BTG4: variants seen among roughly 807,000 people sequenced by gnomAD.
The protein encoded by BTG4 is protein BTG4.
Under a neutral mutation model 19.3 loss-of-function variants are expected in BTG4, and 10 were observed. That is an observed-to-expected ratio of 0.52 (90% CI 0.32 to 0.88). The LOEUF (loss-of-function observed/expected upper bound fraction) is 0.88, where lower values mean the gene tolerates loss of function less well. Among genes scored for constraint, BTG4 ranks in the 40% least tolerant of loss-of-function variants. The probability of loss-of-function intolerance (pLI) is 0.04; values close to 1 mark genes in which losing one functional copy is unlikely to be tolerated. For missense variants in BTG4, 238 were observed against 281.9 expected (o/e 0.84, Z 1.11); for synonymous variants, 91 against 95.7 (o/e 0.95, Z 0.29).
the BTG4 span, chr11:111,385,404 A>T: frequency 6.6e-6 from 1 of 152,170 alleles, no homozygotes; most frequent in Admixed American, 6.5e-5. Flanking sequence ...TTTAATTTAA[A>T]TTACTTTAAA....
chr11:111,415,705 G>A, the BTG4 span, among the ~76,000 whole-genome samples: 80 of 152,242 alleles, frequency 5.3e-4, no homozygotes, highest in African/African-American at 5.3e-4. Context: ...CTGGGCCTAC[G>A]GGGTGGGGGA....
chr11:111,497,707 TA>T (rs1313583751), intron 3 of BTG4, among the ~76,000 whole-genome samples: 1 of 152,226 alleles, frequency 6.6e-6, no homozygotes, highest in Non-Finnish European at 1.5e-5. Flanking sequence ...ACTTATCTGT[TA>T]TCAACCTACA....
At chr11:111,389,922 C>T in the BTG4 span, among the ~76,000 whole-genome samples, 5 of 152,058 alleles carry the variant, frequency 3.3e-5, no homozygotes, top group African/African-American at 4.8e-5. Flanking sequence ...ACAAAGCCAA[C>T]GAAAGCTAAG....
chr11:111,495,043 T>G lies in BTG4; in HGVS notation c.*92A>C. ...GTCCCTAATATGGTCATTTTTTGTT[T>G]CATGGGCCTCTCAACCTTAAATTCA... On this transcript the variant is annotated 3_prime_UTR_variant, in exon 5 of 5. Transcript: ENST00000692032. 1 of 1,375,682 alleles carries G rather than the reference T, an allele frequency of 7.3e-7. No homozygotes were observed. The highest frequency in any genetic ancestry group is 9.4e-7 in the Non-Finnish European group (1 of 1,066,802). The allele number at this position is 1,375,682 out of a possible 1,614,324, so 85.2% of individuals were successfully genotyped here. A position where few individuals can be genotyped will look rare whatever the true frequency, so the allele number is the denominator to read the frequency against.
At chr11:111,472,968 T>C (rs138800969) in intron 5 of BTG4, among the ~76,000 whole-genome samples, 107 of 152,298 alleles carry the variant, frequency 7.0e-4, no homozygotes, top group African/African-American at 2.5e-3. Context: ...CTACATGCCA[T>C]GTTATGATTG....
the BTG4 span, among the ~76,000 whole-genome samples, chr11:111,394,477 C>T: frequency 6.6e-6 from 1 of 152,274 alleles, no homozygotes; most frequent in Admixed American, 6.5e-5. Flanking sequence ...TCTTGTCTGC[C>T]GTCATGTAAG....
the BTG4 span, among the ~76,000 whole-genome samples, chr11:111,442,576 A>G: frequency 6.6e-6 from 1 of 150,566 alleles, no homozygotes; most frequent in Non-Finnish European, 1.5e-5. Context: ...TATAGTGCCA[A>G]AAATATAAGG....
downstream of BTG4, among the ~76,000 whole-genome samples, chr11:111,490,270 T>A (rs1416567716): frequency 1.6e-5 from 2 of 124,538 alleles, no homozygotes; most frequent in African/African-American, 5.1e-5. Context: ...CAAAACTCCA[T>A]CTCAAAAATA....
chr11:111,405,959 T>C, the BTG4 span, among the ~76,000 whole-genome samples: 1 of 152,158 alleles, frequency 6.6e-6, no homozygotes, highest in Non-Finnish European at 1.5e-5. Flanking sequence ...ACTAACATCC[T>C]TACTTAATAA....
chr11:111,472,502 C>T (rs992864950), intron 5 of BTG4, among the ~76,000 whole-genome samples: 43 of 152,178 alleles, frequency 2.8e-4, no homozygotes, highest in African/African-American at 1.0e-3. Context: ...GCCTACAGTG[C>T]ATGGGACAGC....
chr11:111,486,805 A>AT (rs1296489602), intron 5 of BTG4, among the ~76,000 whole-genome samples: 8 of 152,284 alleles, frequency 5.3e-5, no homozygotes, highest in African/African-American at 1.9e-4. Context: ...CTTTTAATTG[A>AT]TTTTTTTAAA....
chr11:111,455,839 A>G, the BTG4 span: 1 of 455,966 alleles, frequency 2.2e-6, no homozygotes, highest in South Asian at 1.5e-5. Context: ...GGCCTGGGGC[A>G]TTCTGGGCAC....
At chr11:111,395,238 C>T in the BTG4 span, among the ~76,000 whole-genome samples, 5 of 152,226 alleles carry the variant, frequency 3.3e-5, no homozygotes, top group East Asian at 3.8e-4. Context: ...CAGGAGAGAC[C>T]GGCCTGAGGT....
exon 6 of BTG4, chr11:111,467,621 T>A: frequency 1.3e-6 from 1 of 759,236 alleles, no homozygotes; most frequent in Non-Finnish European, 2.4e-6. Context: ...GGCAGTGCCT[T>A]CCAAGGTGCC....
At chr11:111,454,935 C>T in the BTG4 span, 3 of 454,928 alleles carry the variant, frequency 6.6e-6, no homozygotes, top group Non-Finnish European at 1.3e-5. Flanking sequence ...ACAGAGTTCA[C>T]ACACACTCAA....
At chr11:111,441,607 G>A in the BTG4 span, among the ~76,000 whole-genome samples, 495 of 152,234 alleles carry the variant, frequency 3.3e-3, 4 homozygotes, top group African/African-American at 0.012. Context: ...CCTCTCCCAC[G>A]CCTGACTATA....
At position 111,494,870 on chromosome 11, in the gene BTG4, T is replaced by A. The variant is rs567403122; in HGVS notation, c.*265A>T. ...ATTACTTTTCATAATTCATTGAGTC[T>A]TATTAGAGGTCAACATCTTCATTCT... is the stretch of plus-strand genomic sequence containing the variant. On this transcript the variant is annotated 3_prime_UTR_variant, in exon 5 of 5. Transcript: ENST00000692032. 2.0e-6 allele frequency: 2 copies of A among 981,462 alleles called. No homozygotes were observed. The highest frequency in any genetic ancestry group is 9.4e-5 in the South Asian group (2 of 21,222). 60.8% of individuals were successfully genotyped at this position (981,462 alleles called of 1,614,324 possible).
the BTG4 span, chr11:111,451,212 A>T: frequency 1.3e-4 from 39 of 297,274 alleles, 1 homozygote; most frequent in South Asian, 1.1e-3. Flanking sequence ...CACCACTCCC[A>T]AAGGCAACGT....
chr11:111,388,409 T>C, the BTG4 span, among the ~76,000 whole-genome samples: 1 of 151,942 alleles, frequency 6.6e-6, no homozygotes, highest in Non-Finnish European at 1.5e-5. Flanking sequence ...CAAACACTAG[T>C]CCTTCCTTTT....
Sources: gnomAD v4.1 joint callset for allele counts (sites outside exome capture counted in the v4.1 genomes callset) on GRCh38, gnomAD v4.1.1 for gene constraint, MANE v1.5 for transcripts, NCBI Gene and HGNC (gene_info 2026-07-23, HGNC 2026-07-21) for gene names.